Variants in DENND1A observed in about 807,000 individuals in gnomAD.
The protein encoded by DENND1A is DENN domain-containing protein 1A.
DENND1A carries 51 observed loss-of-function variants against 113.7 expected under a neutral mutation model. The observed-to-expected ratio is 0.45, with a 90% CI of 0.36 to 0.57. DENND1A has a LOEUF of 0.57. Among genes scored for constraint, DENND1A ranks in the 20% least tolerant of loss-of-function variants. The pLI is 0.00. For synonymous variants in DENND1A, 565 were observed against 570.8 expected (o/e 0.99, Z 0.14); for missense variants, 1,258 against 1,395.9 (o/e 0.90, Z 1.57).
chr9:123,890,432 T>A (rs189278244), intron 1 of DENND1A, among the ~76,000 whole-genome samples: 241 of 152,348 alleles, frequency 1.6e-3, no homozygotes, highest in Non-Finnish European at 2.9e-3. Flanking sequence ...AAGAACCCCT[T>A]GTTTCATTGA....
Position 123,757,726 on chromosome 9 carries a change from C to T in DENND1A, c.279G>A (p.Ala93=), listed in dbSNP as rs747500564. 97 of 1,613,896 alleles carry T rather than the reference C, an allele frequency of 6.0e-5. No homozygotes were observed. The East Asian group carries it at 6.0e-4, about 10-fold the overall frequency. The change falls in exon 5 of 24, where the codon GCG becomes GCA. Residue 93 remains alanine (A), a synonymous_variant. Transcript: ENST00000394215. ...RFGFCRLSSG[A]KSCFCILSYL... ...ACCTTAAGATACAGAAGCAGCTCTT[C>T]GCTCCTGAAGATAAGCGGCAGAACC... is the stretch of plus-strand genomic sequence containing the variant.
chr9:123,695,052 C>T (rs1007737689), intron 5 of DENND1A, among the ~76,000 whole-genome samples: 1 of 152,116 alleles, frequency 6.6e-6, no homozygotes, highest in South Asian at 2.1e-4. Context: ...GCCTCCCAGC[C>T]TACAACTTAC....
At chr9:123,864,513 G>A (rs1845545930) in intron 2 of DENND1A, among the ~76,000 whole-genome samples, 1 of 152,198 alleles carries the variant, frequency 6.6e-6, no homozygotes, top group Admixed American at 6.5e-5. Context: ...TGGGAAGTCT[G>A]ATGGACACTT....
Position 123,381,879 on chromosome 9 carries a change from G to A in DENND1A, c.2766C>T (p.Ser922=), listed in dbSNP as rs2042288669. 3 of 1,458,100 alleles carry A rather than the reference G, an allele frequency of 2.1e-6. No individual in the cohort carries two copies. The highest frequency in any genetic ancestry group is 1.4e-5 in the African/African-American group (1 of 69,510). The allele number at this position is 1,458,100 out of a possible 1,614,324, so 90.3% of individuals were successfully genotyped here. The part of the protein sequence containing the change: ...PAGPFGAPPA[S]LGPAFASGLL... ...GGCCGGACGCAAAAGCCGGCCCCAG[G>A]GAAGCTGGAGGGGCCCCGAAAGGCC... is the stretch of plus-strand genomic sequence containing the variant. The change falls in exon 24 of 24, where the codon TCC becomes TCT. Residue 922 remains serine (S), a synonymous_variant. Transcript: ENST00000394215. The surrounding 1 kb of genome is among the most constrained non-coding windows in gnomAD (Gnocchi z 4.7).
At chr9:123,714,009 A>G (rs187672793) in intron 5 of DENND1A, among the ~76,000 whole-genome samples, 4 of 152,360 alleles carry the variant, frequency 2.6e-5, no homozygotes, top group East Asian at 1.9e-4. Flanking sequence ...ATTGGAATTT[A>G]CTTTTAACAG....
chr9:123,457,117 C>G (rs1024450154), intron 15 of DENND1A, among the ~76,000 whole-genome samples: 3 of 152,202 alleles, frequency 2.0e-5, no homozygotes, highest in Admixed American at 6.5e-5. Flanking sequence ...TTTAACTAGA[C>G]TTTGTCTACA....
chr9:123,731,051 G>C (rs2068128125), intron 5 of DENND1A, among the ~76,000 whole-genome samples: 1 of 152,068 alleles, frequency 6.6e-6, no homozygotes, highest in African/African-American at 2.4e-5. Context: ...AGTGGGGGTT[G>C]AACAGTGAGA....
rs2042247400 is a variant in DENND1A, at chr9:123,381,138, G to A, written c.*294C>T. On this transcript the variant is annotated 3_prime_UTR_variant, in exon 24 of 24. Coordinates refer to ENST00000394215, the MANE Select transcript of DENND1A (RefSeq NM_001352964.2). The surrounding 1 kb of genome is among the most constrained non-coding windows in gnomAD (Gnocchi z 4.7). ...GGACTCGGTCTGGAGCAATATCATT[G>A]GCCCAGCTGACCTCTTTAGTGCAAA... 1 of 419,596 alleles carries A rather than the reference G, an allele frequency of 2.4e-6. No homozygotes were observed. Among genetic ancestry groups the A allele is most frequent in the East Asian group, 5.1e-5 (1 of 19,668 alleles). 26.0% of individuals were successfully genotyped at this position (419,596 alleles called of 1,614,324 possible).
intron 13 of DENND1A, among the ~76,000 whole-genome samples, chr9:123,484,626 A>G (rs2050634671): frequency 6.6e-6 from 1 of 152,084 alleles, no homozygotes; most frequent in Non-Finnish European, 1.5e-5. Context: ...CGCACCCCAT[A>G]GTGCACCTTC....
At chr9:123,543,104 T>G (rs1209009648) in intron 13 of DENND1A, among the ~76,000 whole-genome samples, 1 of 152,216 alleles carries the variant, frequency 6.6e-6, no homozygotes, top group Non-Finnish European at 1.5e-5. Context: ...AGAAATGCTT[T>G]GGAAAAACAA....
chr9:123,519,727 ATAT>A (rs2054234838), intron 13 of DENND1A, among the ~76,000 whole-genome samples: 1 of 152,118 alleles, frequency 6.6e-6, no homozygotes, highest in Non-Finnish European at 1.5e-5. Context: ...CTGGGTCCTC[ATAT>A]CTAAGTTAAC....
intron 13 of DENND1A, among the ~76,000 whole-genome samples, chr9:123,516,113 C>T (rs1298237279): frequency 1.1e-3 from 4 of 3,794 alleles, no homozygotes; most frequent in Non-Finnish European, 4.8e-3. Context: ...CACATACACA[C>T]ACACACACAC....
intron 9 of DENND1A, among the ~76,000 whole-genome samples, chr9:123,632,603 C>T (rs2061525964): frequency 6.6e-6 from 1 of 152,028 alleles, no homozygotes; most frequent in Non-Finnish European, 1.5e-5. Context: ...AGGTTCCGGC[C>T]CATCACTTCC....
rs367989785 is a variant in DENND1A, at chr9:123,757,727, G to C, written c.278C>G (p.Ala93Gly). Reference protein sequence around the residue: ...RFGFCRLSSGAKSCFCILSYL... With the variant: ...RFGFCRLSSGGKSCFCILSYL... ...CCTTAAGATACAGAAGCAGCTCTTC[G>C]CTCCTGAAGATAAGCGGCAGAACCC... The change falls in exon 5 of 24, where the codon GCG becomes GGG. Residue 93 changes from alanine to glycine, a missense_variant. By Grantham distance (60) the Ala-to-Gly change is moderately conservative. This residue lies in a region of DENND1A where 99 missense variants were observed against 164.2 expected (regional missense o/e 0.60). Transcript: ENST00000394215. The C allele has an allele frequency of 6.2e-6, 10 of 1,613,924 alleles. No homozygotes were observed.
intron 5 of DENND1A, among the ~76,000 whole-genome samples, chr9:123,696,975 A>G (rs1292708111): frequency 1.3e-5 from 2 of 152,216 alleles, no homozygotes; most frequent in Non-Finnish European, 2.9e-5. Flanking sequence ...CGTATCAGCC[A>G]CATCTTACAA....
At chr9:123,778,096 A>G (rs1444299005) in intron 3 of DENND1A, among the ~76,000 whole-genome samples, 1 of 150,842 alleles carries the variant, frequency 6.6e-6, no homozygotes, top group Non-Finnish European at 1.5e-5. Flanking sequence ...ATATAATTCA[A>G]AAAGTTTTCT....
At chr9:123,455,838 A>G (rs1479600525) in intron 15 of DENND1A, among the ~76,000 whole-genome samples, 1 of 151,952 alleles carries the variant, frequency 6.6e-6, no homozygotes, top group Non-Finnish European at 1.5e-5. Flanking sequence ...TTAGAACACA[A>G]CTCCAGCCCA....
chr9:123,838,662 G>T (rs117340080), intron 2 of DENND1A, among the ~76,000 whole-genome samples: 814 of 152,214 alleles, frequency 5.3e-3, no homozygotes, highest in Non-Finnish European at 9.6e-3. Context: ...CATTCAAGGC[G>T]GTACCTGGAA....
intron 2 of DENND1A, among the ~76,000 whole-genome samples, chr9:123,847,694 G>T (rs1308364923): frequency 6.6e-6 from 1 of 152,218 alleles, no homozygotes; most frequent in Non-Finnish European, 1.5e-5. Context: ...CAGCACTTTG[G>T]GAGGCCAAGG....
Sources: gnomAD v4.1 joint callset for allele counts (sites outside exome capture counted in the v4.1 genomes callset) on GRCh38, gnomAD v4.1.1 for gene constraint, gnomAD v4.1.1 regional missense constraint, Gnocchi (gnomAD v3.1) non-coding constraint, MANE v1.5 for transcripts, NCBI Gene and HGNC (gene_info 2026-07-23, HGNC 2026-07-21) for gene names.